SLC35F4: variants seen among roughly 807,000 people sequenced by gnomAD.
SLC35F4 encodes the protein solute carrier family 35 member F4.
Under a neutral mutation model 44.2 loss-of-function variants are expected in SLC35F4, and 24 were observed. The observed-to-expected ratio is 0.54, with a 90% CI of 0.39 to 0.76. The LOEUF (loss-of-function observed/expected upper bound fraction) is 0.76. SLC35F4 is among the 30% of genes least tolerant of loss of function. The pLI is 0.00. For missense variants in SLC35F4, 562 were observed against 586.1 expected (o/e 0.96, Z 0.42); for synonymous variants, 238 against 223.6 (o/e 1.06, Z -0.57).
chr14:57,750,135 CGGT>C (rs1329819627), intron 1 of SLC35F4, among the ~76,000 whole-genome samples: 171 of 152,190 alleles, frequency 1.1e-3, no homozygotes, highest in African/African-American at 3.9e-3. Flanking sequence ...TGAAAACATG[CGGT>C]ATTTGTCTTT....
At chr14:57,645,730 A>T (rs7151687) in intron 1 of SLC35F4, among the ~76,000 whole-genome samples, 4 of 150,328 alleles carry the variant, frequency 2.7e-5, no homozygotes, top group Non-Finnish European at 5.9e-5. Flanking sequence ...TCCAGTTTTC[A>T]TCCATTCAGT....
chr14:57,729,708 G>C (rs2076299717), intron 1 of SLC35F4, among the ~76,000 whole-genome samples: 1 of 152,158 alleles, frequency 6.6e-6, no homozygotes, highest in Non-Finnish European at 1.5e-5. Flanking sequence ...AGCCATGCCA[G>C]CTGCTGTCTC....
chr14:57,801,798 T>C (rs1233528363), intron 1 of SLC35F4, among the ~76,000 whole-genome samples: 1 of 152,272 alleles, frequency 6.6e-6, no homozygotes, highest in South Asian at 2.1e-4. Flanking sequence ...CCTAAATATA[T>C]ATGCACCCAA....
At chr14:57,857,770 GC>G (rs1357959732) in intron 1 of SLC35F4, among the ~76,000 whole-genome samples, 1 of 152,060 alleles carries the variant, frequency 6.6e-6, no homozygotes, top group Non-Finnish European at 1.5e-5. Flanking sequence ...CATTTGGGAA[GC>G]TTTACAGAGG....
intron 1 of SLC35F4, among the ~76,000 whole-genome samples, chr14:57,689,456 G>A (rs993645677): frequency 5.3e-5 from 8 of 152,182 alleles, no homozygotes; most frequent in East Asian, 3.9e-4. Context: ...TATTCAAATA[G>A]CAACAAACAA....
rs368868807 is a variant in SLC35F4 at position 57,981,917 on chromosome 14, G to A, written n.147C>T. 11 of 152,268 alleles carry A rather than the reference G, an allele frequency of 7.2e-5. No homozygotes were observed. In the East Asian group the frequency reaches 1.2e-3, roughly 16 times the overall value. The allele number at this position is 152,268 out of a possible 1,614,324, so 9.4% of individuals were successfully genotyped here. On this transcript the variant is annotated non_coding_transcript_exon_variant, in exon 1 of 2. Transcript: ENST00000554648. ...CAAAATTATAGTATTACTTACAAAA[G>A]TTTTTCAAGGTCTCCAATTGCCAGG...
intron 1 of SLC35F4, among the ~76,000 whole-genome samples, chr14:57,971,378 T>A (rs1273564027): frequency 1.3e-5 from 2 of 152,202 alleles, no homozygotes; most frequent in Non-Finnish European, 2.9e-5. Context: ...TCAAATAGAT[T>A]CAAACTAATA....
At chr14:57,643,784 C>T (rs887244033) in intron 1 of SLC35F4, among the ~76,000 whole-genome samples, 7 of 152,020 alleles carry the variant, frequency 4.6e-5, no homozygotes, top group Admixed American at 4.6e-4. Context: ...CACCCCACAA[C>T]AGGCCCGGGT....
chr14:57,682,638 GA>G (rs5808933), intron 1 of SLC35F4, among the ~76,000 whole-genome samples: 13 of 148,460 alleles, frequency 8.8e-5, no homozygotes, highest in East Asian at 3.9e-4. Context: ...AAAGTATAAT[GA>G]AAAAAAAAAA....
At chr14:57,630,747 T>C in intron 1 of SLC35F4, 2 of 528,782 alleles carry the variant, frequency 3.8e-6, no homozygotes, top group Non-Finnish European at 6.6e-6. Flanking sequence ...TAGTTTGGTT[T>C]ACCTAAATTA....
At chr14:57,909,093 T>C (rs1467932688) in intron 1 of SLC35F4, among the ~76,000 whole-genome samples, 1 of 152,164 alleles carries the variant, frequency 6.6e-6, no homozygotes, top group Non-Finnish European at 1.5e-5. Context: ...CAGATGATGG[T>C]AGATGTTTGG....
At chr14:57,772,301 C>G (rs1425365997) in intron 1 of SLC35F4, among the ~76,000 whole-genome samples, 1 of 152,280 alleles carries the variant, frequency 6.6e-6, no homozygotes, top group East Asian at 1.9e-4. Flanking sequence ...ATAGTGAAAC[C>G]AGACAATTAA....
At chr14:57,875,866 T>A (rs1888389322) in intron 1 of SLC35F4, among the ~76,000 whole-genome samples, 2 of 152,206 alleles carry the variant, frequency 1.3e-5, no homozygotes, top group South Asian at 4.1e-4. Flanking sequence ...TGTAAATCAA[T>A]GCCAATGTTG....
At chr14:57,920,927 C>T (rs1000730887) in intron 1 of SLC35F4, among the ~76,000 whole-genome samples, 1 of 152,092 alleles carries the variant, frequency 6.6e-6, no homozygotes, top group Non-Finnish European at 1.5e-5. Flanking sequence ...TTAAAAATGG[C>T]TTTTTATAAC....
At chr14:57,825,761 T>A (rs1883670794) in intron 1 of SLC35F4, among the ~76,000 whole-genome samples, 1 of 152,120 alleles carries the variant, frequency 6.6e-6, no homozygotes, top group African/African-American at 2.4e-5. Flanking sequence ...TGAACTCCCA[T>A]TCACAATTGC....
intron 1 of SLC35F4, among the ~76,000 whole-genome samples, chr14:57,629,506 A>C (rs981597424): frequency 1.3e-5 from 2 of 152,120 alleles, no homozygotes; most frequent in African/African-American, 4.8e-5. Context: ...TTCCAGAAAA[A>C]TATGGAGTTC....
At position 57,793,640 on chromosome 14, in the gene SLC35F4, G is replaced by T. The variant is rs1302970961; in HGVS notation, c.103+72083C>A. ...CAAATTTTCTTTATCCGTTCATATTGTTGATTCTATATCTTTGTAATTGTC... is the reference window on the plus strand; with the variant it reads ...CAAATTTTCTTTATCCGTTCATATTTTTGATTCTATATCTTTGTAATTGTC... On this transcript the variant is annotated intron_variant, in intron 1 of 7. Coordinates refer to ENST00000556826, the MANE Select transcript of SLC35F4 (RefSeq NM_001306087.2). Among the ~76,000 whole-genome samples the T allele has an allele frequency of 2.6e-5, 4 of 151,784 alleles. No homozygotes were observed. In the East Asian group the frequency reaches 7.7e-4, roughly 29 times the overall value.
chr14:57,751,561 C>T lies in SLC35F4; in HGVS notation c.103+114162G>A, dbSNP rs2076884395. Among the ~76,000 whole-genome samples, 3 of 152,118 alleles carry T rather than the reference C, an allele frequency of 2.0e-5. 1 individual carries two copies. The highest frequency in any genetic ancestry group is 4.1e-4 in the South Asian group (2 of 4,826). On this transcript the variant is annotated intron_variant, in intron 1 of 7. Coordinates refer to ENST00000556826, the MANE Select transcript of SLC35F4 (RefSeq NM_001306087.2). ...CAGAAAAGGCAACAACGAAACACGT[C>T]GATTTACTTTAAGTTGTGAAATCCT... is the stretch of plus-strand genomic sequence containing the variant.
At chr14:57,813,532 G>A (rs1193855564) in intron 1 of SLC35F4, among the ~76,000 whole-genome samples, 1 of 152,134 alleles carries the variant, frequency 6.6e-6, no homozygotes, top group African/African-American at 2.4e-5. Context: ...AGAGGTTGCA[G>A]TGAGCAGAGT....
Sources: gnomAD v4.1 joint callset for allele counts (sites outside exome capture counted in the v4.1 genomes callset) on GRCh38, gnomAD v4.1.1 for gene constraint, MANE v1.5 for transcripts, NCBI Gene and HGNC (gene_info 2026-07-23, HGNC 2026-07-21) for gene names.